CDH10: variants seen among roughly 807,000 people sequenced by gnomAD.
The protein encoded by CDH10 is cadherin 10.
A neutral mutation model predicts 73.1 loss-of-function variants in CDH10; 30 were observed. The observed-to-expected ratio is 0.41, with a 90% CI of 0.31 to 0.56. CDH10 has a LOEUF of 0.56. Among genes scored for constraint, CDH10 ranks in the 20% least tolerant of loss-of-function variants. The pLI, the probability that CDH10 is intolerant of heterozygous loss-of-function variation, is 0.27. For synonymous variants in CDH10, 345 were observed against 348.2 expected (o/e 0.99, Z 0.10); for missense variants, 815 against 973.7 (o/e 0.84, Z 2.17).
chr5:24,544,242 C>A (rs1744258143), intron 2 of CDH10, among the ~76,000 whole-genome samples: 1 of 152,000 alleles, frequency 6.6e-6, no homozygotes, highest in Non-Finnish European at 1.5e-5. Context: ...TGCAGTAAGC[C>A]AAGATCACGC....
intron 2 of CDH10, among the ~76,000 whole-genome samples, chr5:24,559,853 A>G (rs535253078): frequency 6.6e-6 from 1 of 152,214 alleles, no homozygotes; most frequent in East Asian, 1.9e-4. Flanking sequence ...AAATACCCCT[A>G]TCAGTTTCTT....
intron 2 of CDH10, among the ~76,000 whole-genome samples, chr5:24,548,567 G>A (rs1341270333): frequency 1.3e-5 from 2 of 149,912 alleles, no homozygotes; most frequent in Non-Finnish European, 2.9e-5. Context: ...ATTATGGAGA[G>A]TAATCTGCTC....
chr5:24,586,840 A>ATTTTTTTTTTTTTTTT (rs1746023448), intron 2 of CDH10, among the ~76,000 whole-genome samples: 1 of 100,608 alleles, frequency 9.9e-6, no homozygotes, highest in African/African-American at 5.2e-5. Flanking sequence ...GATAGCCCAT[A>ATTTTTTTTTTTTTTTT]TTCTTTTTTT....
At chr5:24,627,868 CG>C (rs1747565457) in intron 1 of CDH10, among the ~76,000 whole-genome samples, 1 of 151,928 alleles carries the variant, frequency 6.6e-6, no homozygotes, top group Admixed American at 6.6e-5. Context: ...CACACACGCA[CG>C]CCACACACAC....
intron 2 of CDH10, among the ~76,000 whole-genome samples, chr5:24,554,588 C>T (rs1478371069): frequency 6.6e-6 from 1 of 151,376 alleles, no homozygotes; most frequent in African/African-American, 2.4e-5. Flanking sequence ...AGTTATATAT[C>T]CTATGATCCT....
At chr5:24,596,855 G>A (rs1746388901) in intron 1 of CDH10, among the ~76,000 whole-genome samples, 1 of 151,774 alleles carries the variant, frequency 6.6e-6, no homozygotes, top group African/African-American at 2.4e-5. Flanking sequence ...CTCTAAATAT[G>A]TTGGACTATT....
At chr5:24,571,888 T>C (rs1476338568) in intron 2 of CDH10, among the ~76,000 whole-genome samples, 1 of 151,608 alleles carries the variant, frequency 6.6e-6, no homozygotes, top group Non-Finnish European at 1.5e-5. Flanking sequence ...AAATTAACAA[T>C]AGGCTCTTGC....
chr5:24,600,945 T>C (rs1746539803), intron 1 of CDH10, among the ~76,000 whole-genome samples: 1 of 152,104 alleles, frequency 6.6e-6, no homozygotes, highest in Admixed American at 6.6e-5. Context: ...TGTTGGGTTA[T>C]GTCTTTGATG....
intron 2 of CDH10, among the ~76,000 whole-genome samples, chr5:24,560,833 T>C (rs1443362560): frequency 2.6e-5 from 4 of 152,112 alleles, no homozygotes; most frequent in Non-Finnish European, 2.9e-5. Flanking sequence ...AAAAATAAAA[T>C]AAAGTTGTTA....
At chr5:24,602,175 T>G (rs1201978487) in intron 1 of CDH10, among the ~76,000 whole-genome samples, 1 of 152,184 alleles carries the variant, frequency 6.6e-6, no homozygotes, top group Non-Finnish European at 1.5e-5. Context: ...AATTCACACT[T>G]ATTAAAGGCA....
At chr5:24,554,621 T>A (rs1455952871) in intron 2 of CDH10, among the ~76,000 whole-genome samples, 1 of 152,148 alleles carries the variant, frequency 6.6e-6, no homozygotes, top group Non-Finnish European at 1.5e-5. Flanking sequence ...TCAGAAAATT[T>A]TAGAAACTCT....
At chr5:24,585,616 G>A (rs1349378581) in intron 2 of CDH10, among the ~76,000 whole-genome samples, 1 of 152,048 alleles carries the variant, frequency 6.6e-6, no homozygotes, top group Non-Finnish European at 1.5e-5. Context: ...TAGAGACAGG[G>A]TTTCACCATA....
chr5:24,599,904 G>A (rs530113496), intron 1 of CDH10, among the ~76,000 whole-genome samples: 25 of 152,060 alleles, frequency 1.6e-4, no homozygotes, highest in Admixed American at 3.9e-4. Flanking sequence ...TAGATGGCCC[G>A]TCTTATCTCT....
intron 1 of CDH10, among the ~76,000 whole-genome samples, chr5:24,637,463 T>C (rs1351425117): frequency 6.6e-6 from 1 of 151,950 alleles, no homozygotes; most frequent in African/African-American, 2.4e-5. Context: ...ACTACTGATA[T>C]TTCCATTGTA....
intron 1 of CDH10, among the ~76,000 whole-genome samples, chr5:24,618,615 C>T (rs1747202487): frequency 1.3e-5 from 2 of 152,144 alleles, no homozygotes; most frequent in South Asian, 4.1e-4. Context: ...CTGGTTCTAG[C>T]CAACTGATTA....
At chr5:24,612,385 T>A (rs138603889) in intron 1 of CDH10, 60 of 152,338 alleles carry the variant, frequency 3.9e-4, no homozygotes, top group African/African-American at 1.3e-3. Context: ...CATAAAGTTT[T>A]ACAATTTTGT....
rs1747459116 is a variant in CDH10 at position 24,625,427 on chromosome 5, T to C, written c.-124+19167A>G. Among the ~76,000 whole-genome samples the C allele has an allele frequency of 5.9e-5, 9 of 151,788 alleles. No homozygotes were observed. The South Asian group carries it at 1.7e-3, about 28-fold the overall frequency. On this transcript the variant is annotated intron_variant, in intron 1 of 11. Transcript: ENST00000264463. ...CCAAGGTGAAATTTCCAAATGACCATTATAGCAATGTGATTAGATATAATA... is the reference window on the plus strand; with the variant it reads ...CCAAGGTGAAATTTCCAAATGACCACTATAGCAATGTGATTAGATATAATA...
intron 1 of CDH10, chr5:24,609,986 T>C (rs1746890651): frequency 6.6e-6 from 1 of 152,022 alleles, no homozygotes; most frequent in South Asian, 2.1e-4. Flanking sequence ...AGGTACGGAG[T>C]AGAAGAGCAG....
At chr5:24,527,042 A>C (rs1743558158) in intron 5 of CDH10, among the ~76,000 whole-genome samples, 1 of 150,588 alleles carries the variant, frequency 6.6e-6, no homozygotes, top group Non-Finnish European at 1.5e-5. Context: ...AGTAGTTTTA[A>C]ATAATGTTCT....
Sources: allele counts gnomAD v4.1 joint callset (sites outside exome capture counted in the v4.1 genomes callset), GRCh38; gene constraint gnomAD v4.1.1; transcripts MANE v1.5; gene names NCBI Gene and HGNC (gene_info 2026-07-23, HGNC 2026-07-21).